The following CELSR2 variants were observed in gnomAD, a reference collection of about 807,000 sequenced individuals.
The protein encoded by CELSR2 is cadherin EGF LAG seven-pass G-type receptor 2.
CELSR2 carries 81 observed loss-of-function variants against 251.6 expected under a neutral mutation model. The ratio of observed to expected loss-of-function variants is 0.32; its 90% CI spans 0.27 to 0.39. CELSR2 has a LOEUF of 0.39. Among genes scored for constraint, CELSR2 ranks in the 10% least tolerant of loss-of-function variants. The pLI is 1.00. For synonymous variants in CELSR2, 1,721 were observed against 1,670.5 expected, an observed-to-expected ratio of 1.03 and a Z score of -0.74; for missense variants, 3,365 against 3,947.7, an observed-to-expected ratio of 0.85 and a Z score of 3.96.
In CELSR2 at chr1:109,264,951, C is replaced by A; in HGVS notation, c.5548C>A (p.Pro1850Thr). 1 of 1,614,154 alleles carries A rather than the reference C, an allele frequency of 6.2e-7. No individual in the cohort carries two copies. The highest frequency in any genetic ancestry group is 8.5e-7 in the Non-Finnish European group (1 of 1,180,032). Residue 1850 changes from proline (P) to threonine (T), a missense_variant, in exon 12 of 34, where the codon CCC becomes ACC. Transcript: ENST00000271332. ...QSVCTRKPSA[P>T]HGYTCECPPN... Reference sequence around the variant, plus strand: ...TGTGTGTACCCGCAAGCCCAGTGCCCCCCATGGCTATACCTGCGAGTGTCC... The same window carrying A: ...TGTGTGTACCCGCAAGCCCAGTGCCACCCATGGCTATACCTGCGAGTGTCC...
In CELSR2 at chr1:109,251,209, G is replaced by C; in HGVS notation, c.1130G>C (p.Gly377Ala). ...GCAAGTGACCAGGGTCGGGACCCGG[G>C]TCCTCGGAGTACCACAGCCGCTGTT... ...VEASDQGRDPGPRSTTAAVFL... is the reference protein window; with the variant it reads ...VEASDQGRDPAPRSTTAAVFL... Residue 377 changes from glycine to alanine, a missense_variant, in exon 1 of 34, where the codon GGT becomes GCT. Around this residue, in one of 5 missense-constraint regions of CELSR2, gnomAD observed 704 missense variants for 784.1 expected, o/e 0.90. Transcript: ENST00000271332. This position sits in a 1 kb window ranked among gnomAD's most constrained non-coding sequence, Gnocchi z 4.9. 6.2e-7 allele frequency: 1 copy of C among 1,613,934 alleles called. No homozygotes were observed. The highest frequency in any genetic ancestry group is 2.2e-5 in the East Asian group (1 of 44,876).
In CELSR2 at chr1:109,268,644, C is replaced by G. The variant is rs1052482453; in HGVS notation, c.6382C>G (p.Gln2128Glu). The change falls in exon 18 of 34, where the codon CAG (glutamine) becomes GAG (glutamate). Residue 2128 changes from glutamine to glutamate, a missense_variant. Coordinates refer to ENST00000271332, the MANE Select transcript of CELSR2 (RefSeq NM_001408.3). ...CAACAAGCGGCACTGGGAGCTGATC[C>G]AGCAGACAGAGGGTGGCACCGCCTG... is the stretch of plus-strand genomic sequence containing the variant. ...TANKRHWELI[Q>E]QTEGGTAWLL... 2 of 1,613,930 alleles carry G rather than the reference C, an allele frequency of 1.2e-6. No individual in the cohort carries two copies. Among genetic ancestry groups the G allele is most frequent in the African/African-American group, 2.7e-5 (2 of 74,942 alleles).
Position 109,273,256 on chromosome 1 carries a change from G to C in CELSR2, c.8429G>C (p.Arg2810Pro). 6.2e-7 allele frequency: 1 copy of C among 1,611,718 alleles called. No homozygotes were observed. Among genetic ancestry groups the C allele is most frequent in the Non-Finnish European group, 8.5e-7 (1 of 1,178,946 alleles). The change falls in exon 32 of 34, where the codon CGG (arginine) becomes CCG (proline). Residue 2810 changes from arginine to proline, a missense_variant. By Grantham distance (103) the Arg-to-Pro change is moderately radical. Coordinates refer to ENST00000271332, the MANE Select transcript of CELSR2 (RefSeq NM_001408.3). ...AGTGGCAACGGGGCCCCTGAGGAGC[G>C]GCTGCGGGAGAATGGAGATGCCCTG... ...ESSGNGAPEE[R>P]LRENGDALSR...
At position 109,252,770 on chromosome 1, in the gene CELSR2, G is replaced by A. The variant is rs1557727304; in HGVS notation, c.2691G>A (p.Gly897=). 1 of 1,614,024 alleles carries A rather than the reference G, an allele frequency of 6.2e-7. No individual in the cohort carries two copies. The highest frequency in any genetic ancestry group is 8.5e-7 in the Non-Finnish European group (1 of 1,180,032). Reference sequence around the variant, plus strand: ...TGCGGGCATATGCAGTGGACAAGGGGATGCCCCCAGCCCGCACACCTATGG... The same window carrying A: ...TGCGGGCATATGCAGTGGACAAGGGAATGCCCCCAGCCCGCACACCTATGG... ...YVLRAYAVDK[G]MPPARTPMEV... is the part of the protein sequence containing the mutation. Residue 897 remains glycine, a synonymous_variant, in exon 1 of 34, where the codon GGG becomes GGA. Coordinates refer to ENST00000271332, the MANE Select transcript of CELSR2 (RefSeq NM_001408.3). The surrounding 1 kb of genome is among the most constrained non-coding windows in gnomAD (Gnocchi z 4.8).
chr1:109,255,757 C>A (rs572128325), intron 1 of CELSR2, among the ~76,000 whole-genome samples: 2 of 152,326 alleles, frequency 1.3e-5, no homozygotes, highest in Admixed American at 6.5e-5. Flanking sequence ...TCCCATCCTG[C>A]CTTTGCACCT....
intron 28 of CELSR2, among the ~76,000 whole-genome samples, 157 bp from the exon 29 acceptor site, chr1:109,272,121 G>A (rs540351421): frequency 3.3e-5 from 5 of 152,242 alleles, no homozygotes; most frequent in African/African-American, 9.6e-5. Context: ...CCACTGCCAG[G>A]CCTCAATATG....
Position 109,262,891 on chromosome 1 carries a change from G to A in CELSR2, c.4630G>A (p.Gly1544Ser). 1 of 1,613,844 alleles carries A rather than the reference G, an allele frequency of 6.2e-7. No individual in the cohort carries two copies. The highest frequency in any genetic ancestry group is 8.5e-7 in the Non-Finnish European group (1 of 1,180,026). The change falls in exon 7 of 34, where the codon GGC (glycine) becomes AGC (serine). Residue 1544 changes from glycine to serine, a missense_variant. Around this residue, in one of 5 missense-constraint regions of CELSR2, gnomAD observed 2,093 missense variants for 2,382.8 expected, o/e 0.88. Transcript: ENST00000271332. ...SFPVRMRQFV[G>S]CMRNLQVDSR... ...CCCAGTCCGAATGCGGCAGTTCGTGGGCTGCATGCGGAACCTGCAGGTGGA... is the reference window on the plus strand; with the variant it reads ...CCCAGTCCGAATGCGGCAGTTCGTGAGCTGCATGCGGAACCTGCAGGTGGA...
chr1:109,272,578 AGAGACTGG>A (rs1261741040), intron 29 of CELSR2, 54 bp from the exon 30 acceptor site: 2 of 1,526,750 alleles, frequency 1.3e-6, no homozygotes, highest in Admixed American at 3.5e-5. Context: ...AGGGGAGAGG[AGAGACTGG>A]GACCCTGGGC....
chr1:109,264,405 A>G, intron 10 of CELSR2, 40 bp downstream of exon 10: 2 of 1,372,368 alleles, frequency 1.5e-6, no homozygotes, highest in African/African-American at 1.5e-5. Context: ...CTCCCCCACC[A>G]CCTGCAGCCC....
At chr1:109,265,621 C>T (rs1570787798) in intron 13 of CELSR2, 114 bp from the exon 14 acceptor site, 1 of 1,277,372 alleles carries the variant, frequency 7.8e-7, no homozygotes, top group South Asian at 1.4e-5. Flanking sequence ...GAATACTGCT[C>T]CTGAGGGGAC....
At chr1:109,273,996 G>A in intron 33 of CELSR2, 26 bp from the exon 34 acceptor site, 1 of 1,613,836 alleles carries the variant, frequency 6.2e-7, no homozygotes, top group Non-Finnish European at 8.5e-7. Flanking sequence ...TGCCTTTTCT[G>A]CCACTTTCCT....
chr1:109,273,074 G>A lies in CELSR2; in HGVS notation c.8338+47G>A, dbSNP rs775018032. ...GGCCTTTGGGGCCAGTGGGAGGACA[G>A]TGGGCCTGGGGTTCTTGGGAAGCAG... On this transcript the variant is annotated intron_variant, in intron 31 of 33. Transcript: ENST00000271332. 2.5e-6 allele frequency: 4 copies of A among 1,595,200 alleles called. No individual in the cohort carries two copies. In the East Asian group the frequency reaches 9.0e-5, roughly 36 times the overall value.
At chr1:109,257,752 C>A (rs1444296062) in intron 1 of CELSR2, among the ~76,000 whole-genome samples, 1 of 152,182 alleles carries the variant, frequency 6.6e-6, no homozygotes, top group Non-Finnish European at 1.5e-5. Context: ...CAGCATGGGG[C>A]AGTGGGTGAT....
intron 1 of CELSR2, among the ~76,000 whole-genome samples, chr1:109,257,458 A>G (rs79551419): frequency 2.4e-4 from 36 of 151,844 alleles, no homozygotes; most frequent in African/African-American, 8.5e-4. Context: ...TCCCATGTGT[A>G]TGTGCATTCA....
In CELSR2 at chr1:109,263,796, G is replaced by GCTGGCC; in HGVS notation, c.5001+26_5001+31dup. On this transcript the variant is annotated intron_variant, in intron 9 of 33. Coordinates refer to ENST00000271332, the MANE Select transcript of CELSR2 (RefSeq NM_001408.3). ...CCTACAGGTGATGCATGGAAGGGCG[G>GCTGGCC]CTGGCCCTGGCCTGGCCATAGGGCC... The GCTGGCC allele has an allele frequency of 3.1e-6, 5 of 1,608,938 alleles. No individual in the cohort carries two copies. Among genetic ancestry groups the GCTGGCC allele is most frequent in the Non-Finnish European group, 4.2e-6 (5 of 1,178,474 alleles).
At chr1:109,265,523 G>A (rs1292710670) in intron 13 of CELSR2, among the ~76,000 whole-genome samples, 2 of 152,226 alleles carry the variant, frequency 1.3e-5, no homozygotes, top group Admixed American at 1.3e-4. Context: ...GCTCTGGCCT[G>A]GTGTGGTGGT....
Position 109,273,628 on chromosome 1 carries a change from G to T in CELSR2, c.8702G>T (p.Ser2901Ile). Residue 2901 changes from serine to isoleucine, a missense_variant, in exon 33 of 34, where the codon AGC (serine) becomes ATC (isoleucine). Physicochemically the swap from Ser to Ile is moderately radical, Grantham distance 142. Transcript: ENST00000271332. ...QLNGVMPIAM[S>I]IKAGTVDEDS... ...AACGGGGTCATGCCCATCGCCATGAGCATCAAGGCAGGCACGGTGGATGAG... is the reference window on the plus strand; with the variant it reads ...AACGGGGTCATGCCCATCGCCATGATCATCAAGGCAGGCACGGTGGATGAG... 1 of 1,518,766 alleles carries T rather than the reference G, an allele frequency of 6.6e-7. No homozygotes were observed. Among genetic ancestry groups the T allele is most frequent in the Non-Finnish European group, 8.9e-7 (1 of 1,129,794 alleles). 94.1% of individuals were successfully genotyped at this position (1,518,766 alleles called of 1,614,324 possible).
chr1:109,270,907 C>T lies in CELSR2; in HGVS notation c.7484-20C>T, dbSNP rs374623749. On this transcript the variant is annotated intron_variant, in intron 24 of 33. Coordinates refer to ENST00000271332, the MANE Select transcript of CELSR2 (RefSeq NM_001408.3). Reference sequence around the variant, plus strand: ...CCCCTCATCACCCCTCCACTGCTCCCGTCTGTCTCCATGCTCCAGGGCTAG... The same window carrying T: ...CCCCTCATCACCCCTCCACTGCTCCTGTCTGTCTCCATGCTCCAGGGCTAG... 15 of 1,582,344 alleles carry T rather than the reference C, an allele frequency of 9.5e-6. No individual in the cohort carries two copies. Among genetic ancestry groups the T allele is most frequent in the African/African-American group, 9.4e-5 (7 of 74,266 alleles).
chr1:109,265,584 C>T, intron 13 of CELSR2, 151 bp from the exon 14 acceptor site: 1 of 985,628 alleles, frequency 1.0e-6, no homozygotes, highest in Non-Finnish European at 1.5e-6. Flanking sequence ...GGCTCAACTC[C>T]AAAGCATTGC....
Sources: allele counts gnomAD v4.1 joint callset (sites outside exome capture counted in the v4.1 genomes callset), GRCh38; gene constraint gnomAD v4.1.1; regional missense constraint gnomAD v4.1.1; non-coding constraint Gnocchi (gnomAD v3.1); transcripts MANE v1.5; gene names NCBI Gene and HGNC (gene_info 2026-07-23, HGNC 2026-07-21).